Variants in ABCA13 observed in about 807,000 individuals in gnomAD.
ABCA13 encodes ATP binding cassette subfamily A member 13.
A neutral mutation model predicts 478.7 loss-of-function variants in ABCA13; 476 were observed. The observed-to-expected ratio is 0.99, with a 90% CI of 0.92 to 1.07. The LOEUF (loss-of-function observed/expected upper bound fraction) is 1.07, where lower values mean the gene tolerates loss of function less well. Among genes scored for constraint, ABCA13 ranks in the 50% least tolerant of loss-of-function variants. The pLI is 0.00. For missense variants in ABCA13, 6,060 were observed against 5,910.6 expected, an observed-to-expected ratio of 1.03 and a Z score of -0.83; for synonymous variants, 2,252 against 2,158.9, an observed-to-expected ratio of 1.04 and a Z score of -1.20.
At chr7:48,174,291 G>A (rs1473591682) in intron 1 of ABCA13, among the ~76,000 whole-genome samples, 2 of 151,420 alleles carry the variant, frequency 1.3e-5, no homozygotes, top group African/African-American at 2.4e-5. Flanking sequence ...TACATTTACT[G>A]TTTTTTTTAG....
At chr7:48,544,233 C>G (rs946916529) in intron 55 of ABCA13, among the ~76,000 whole-genome samples, 1 of 151,544 alleles carries the variant, frequency 6.6e-6, no homozygotes, top group Non-Finnish European at 1.5e-5. Context: ...ACCAACAAAC[C>G]TGATGTGATA....
intron 55 of ABCA13, among the ~76,000 whole-genome samples, chr7:48,579,454 C>T (rs374655014): frequency 2.0e-5 from 3 of 152,124 alleles, no homozygotes; most frequent in African/African-American, 7.2e-5. Context: ...GAGTAAAATA[C>T]AAAACACTGA....
At chr7:48,455,838 G>A (rs1329637022) in intron 43 of ABCA13, among the ~76,000 whole-genome samples, 1 of 152,192 alleles carries the variant, frequency 6.6e-6, no homozygotes, top group Non-Finnish European at 1.5e-5. Context: ...AAGAGCCTGG[G>A]TTTTTGCCAC....
chr7:48,629,738 G>A (rs1466531957), intron 59 of ABCA13, among the ~76,000 whole-genome samples: 1 of 152,080 alleles, frequency 6.6e-6, no homozygotes, highest in Admixed American at 6.6e-5. Flanking sequence ...GGAATGTTGA[G>A]GCACCAGAAT....
At chr7:48,311,702 C>T (rs1212991100) in intron 24 of ABCA13, among the ~76,000 whole-genome samples, 1 of 152,172 alleles carries the variant, frequency 6.6e-6, no homozygotes, top group African/African-American at 2.4e-5. Context: ...TCTTATTTAT[C>T]AGGTACCTTC....
chr7:48,455,017 TCCTC>T lies in ABCA13; in HGVS notation c.12566-17_12566-14del, dbSNP rs982365783. The T allele has an allele frequency of 3.4e-6, 5 of 1,474,766 alleles. No individual in the cohort carries two copies. In the African/African-American group the frequency reaches 7.0e-5, roughly 21 times the overall value. The allele number at this position is 1,474,766 out of a possible 1,614,324, so 91.4% of individuals were successfully genotyped here. A position where few individuals can be genotyped will look rare whatever the true frequency, so the allele number is the denominator to read the frequency against. On this transcript the variant is annotated splice_polypyrimidine_tract_variant and intron_variant, in intron 42 of 61. Coordinates refer to ENST00000435803, the MANE Select transcript of ABCA13 (RefSeq NM_152701.5). Reference sequence around the variant, plus strand: ...TCCGCAGAGCTGACCCAGCCGCCCTTCCTCCCGCCCGTCCTGCAGGTGGCTCCCT... The same window carrying T: ...TCCGCAGAGCTGACCCAGCCGCCCTTCCGCCCGTCCTGCAGGTGGCTCCCT...
intron 42 of ABCA13, among the ~76,000 whole-genome samples, chr7:48,447,087 A>G (rs1027202282): frequency 3.3e-5 from 5 of 152,148 alleles, no homozygotes; most frequent in African/African-American, 4.8e-5. Flanking sequence ...ATAGTTCCAA[A>G]CCTCATCTCC....
At position 48,194,443 on chromosome 7, in the gene ABCA13, A is replaced by G. The variant is rs905224157; in HGVS notation, c.163+1391A>G. ...ATTGATGGTGATGATAGTGATTACT[A>G]TGTTGATGCTATCAGTTGTGATGGT... On this transcript the variant is annotated intron_variant, in intron 2 of 61. Transcript: ENST00000435803. 1.6e-4 allele frequency among the ~76,000 whole-genome samples: 25 copies of G among 152,044 alleles called. 1 individual carries two copies. Among genetic ancestry groups the G allele is most frequent in the African/African-American group, 5.1e-4 (21 of 41,398 alleles).
intron 29 of ABCA13, among the ~76,000 whole-genome samples, chr7:48,340,305 C>A (rs971487472): frequency 6.6e-6 from 1 of 152,112 alleles, no homozygotes; most frequent in African/African-American, 2.4e-5. Flanking sequence ...TGGGGTTTCA[C>A]CAAGTTGGCC....
intron 52 of ABCA13, among the ~76,000 whole-genome samples, chr7:48,517,531 T>A (rs1336979594): frequency 6.6e-6 from 1 of 152,172 alleles, no homozygotes; most frequent in African/African-American, 2.4e-5. Flanking sequence ...CATCTCCAGC[T>A]GGTGTCTAGG....
intron 28 of ABCA13, among the ~76,000 whole-genome samples, chr7:48,337,786 A>C (rs1308987349): frequency 6.6e-6 from 1 of 152,240 alleles, no homozygotes; most frequent in Non-Finnish European, 1.5e-5. Context: ...GATGTCATGA[A>C]GTTGATGAAA....
Position 48,490,192 on chromosome 7 carries a change from A to G in ABCA13, c.13291+848A>G, listed in dbSNP as rs140334997. Among the ~76,000 whole-genome samples, 73 of 152,348 alleles carry G rather than the reference A, an allele frequency of 4.8e-4. No individual in the cohort carries two copies. In the East Asian group the frequency reaches 9.2e-3, roughly 19 times the overall value. On this transcript the variant is annotated intron_variant, in intron 48 of 61. Transcript: ENST00000435803. ...ATTTTGGAATGCTAATAGGTAATGTAAAAGTTAAAAATGTACGTGACTAAG... is the reference window on the plus strand; with the variant it reads ...ATTTTGGAATGCTAATAGGTAATGTGAAAGTTAAAAATGTACGTGACTAAG...
intron 48 of ABCA13, among the ~76,000 whole-genome samples, chr7:48,491,873 G>A (rs1462413112): frequency 1.3e-5 from 2 of 152,150 alleles, no homozygotes; most frequent in Admixed American, 1.3e-4. Context: ...TGGAACTTCA[G>A]TAAATCCCAT....
chr7:48,555,488 A>G (rs552391719), intron 55 of ABCA13, among the ~76,000 whole-genome samples: 1 of 151,946 alleles, frequency 6.6e-6, no homozygotes, highest in African/African-American at 2.4e-5. Flanking sequence ...ATATTTTATT[A>G]TGGCTTCAAT....
intron 23 of ABCA13, 70 bp from the exon 24 acceptor site, chr7:48,309,877 T>C: frequency 6.4e-7 from 1 of 1,558,318 alleles, no homozygotes; most frequent in Non-Finnish European, 8.8e-7. Context: ...CCGATGAAGC[T>C]CCGGTCTGAG....
chr7:48,206,446 A>G (rs770725407), intron 3 of ABCA13, among the ~76,000 whole-genome samples: 85 of 152,202 alleles, frequency 5.6e-4, no homozygotes, highest in Admixed American at 7.9e-4. Flanking sequence ...TTGTGTAAGC[A>G]TGTTCTGTGG....
chr7:48,539,351 A>T (rs1488923074), intron 55 of ABCA13, among the ~76,000 whole-genome samples: 3 of 152,052 alleles, frequency 2.0e-5, no homozygotes, highest in Admixed American at 6.6e-5. Context: ...TTGATGTTTA[A>T]TGCTTAGGTG....
At chr7:48,218,594 G>A (rs1786847719) in intron 3 of ABCA13, among the ~76,000 whole-genome samples, 1 of 152,196 alleles carries the variant, frequency 6.6e-6, no homozygotes, top group Non-Finnish European at 1.5e-5. Flanking sequence ...GCAACCACCT[G>A]TAGTAGAAGG....
At position 48,596,624 on chromosome 7, in the gene ABCA13, A is replaced by C. The variant is rs554584900; in HGVS notation, c.14744+1811A>C. Among the ~76,000 whole-genome samples the C allele has an allele frequency of 2.0e-4, 30 of 152,046 alleles. No homozygotes were observed. The East Asian group carries it at 4.9e-3, about 25-fold the overall frequency. On this transcript the variant is annotated intron_variant, in intron 58 of 61. Coordinates refer to ENST00000435803, the MANE Select transcript of ABCA13 (RefSeq NM_152701.5). ...AGGAGATCAAGACCATGGAGAAACCACATCTCTACTAAAAATACAAAAAAT... is the reference window on the plus strand; with the variant it reads ...AGGAGATCAAGACCATGGAGAAACCCCATCTCTACTAAAAATACAAAAAAT...
Sources: allele counts gnomAD v4.1 joint callset (sites outside exome capture counted in the v4.1 genomes callset), GRCh38; gene constraint gnomAD v4.1.1; transcripts MANE v1.5; gene names NCBI Gene and HGNC (gene_info 2026-07-23, HGNC 2026-07-21).